RND1: variants seen among roughly 807,000 people sequenced by gnomAD.
RND1 encodes the protein rho-related GTP-binding protein Rho6.
Under a neutral mutation model 27.1 loss-of-function variants are expected in RND1, and 9 were observed. The ratio of observed to expected loss-of-function variants is 0.33; its 90% CI spans 0.20 to 0.58. RND1 has a LOEUF of 0.58. Ranked by LOEUF, RND1 falls within the 20% of genes least tolerant of loss-of-function variation. The probability of loss-of-function intolerance (pLI) is 0.86; values close to 1 mark genes in which losing one functional copy is unlikely to be tolerated. For synonymous variants in RND1, 108 were observed against 115.7 expected, an observed-to-expected ratio of 0.93 and a Z score of 0.43; for missense variants, 253 against 292.2, an observed-to-expected ratio of 0.87 and a Z score of 0.98.
Position 48,857,758 on chromosome 12 carries a change from A to C in RND1, c.*238T>G. 2.6e-6 allele frequency: 1 copy of C among 387,358 alleles called. No individual in the cohort carries two copies. Among genetic ancestry groups the C allele is most frequent in the Non-Finnish European group, 4.6e-6 (1 of 219,226 alleles). The allele number at this position is 387,358 out of a possible 1,614,324, so 24.0% of individuals were successfully genotyped here. On this transcript the variant is annotated 3_prime_UTR_variant, in exon 5 of 5. Coordinates refer to ENST00000309739, the MANE Select transcript of RND1 (RefSeq NM_014470.4). ...TCTGGAGCGGGGGGGGCACTGGGGT[A>C]GTCGCCCCCTCCAAAATCTAGTGCC... is the stretch of plus-strand genomic sequence containing the variant.
rs36016980 is a variant in RND1 at position 48,860,077 on chromosome 12, C to CT, written c.453+919dup. Among the ~76,000 whole-genome samples, 650 of 122,720 alleles carry CT rather than the reference C, an allele frequency of 5.3e-3. 4 individuals carry two copies. The highest frequency in any genetic ancestry group is 9.4e-3 in the African/African-American group (308 of 32,624). The allele number at this position is 122,720 out of a possible 152,430, so 80.5% of individuals were successfully genotyped here. A position where few individuals can be genotyped will look rare whatever the true frequency, so the allele number is the denominator to read the frequency against. The stretch of plus-strand genomic sequence containing the variant: ...ACAGGCATGAGCCACCACACCTGGC[C>CT]TTTTTTTTTTTTTTTTTTCCTTGAG... On this transcript the variant is annotated intron_variant, in intron 4 of 4. Coordinates refer to ENST00000309739, the MANE Select transcript of RND1 (RefSeq NM_014470.4).
intron 4 of RND1, 142 bp from the exon 5 acceptor site, chr12:48,858,383 T>C: frequency 1.3e-6 from 1 of 800,000 alleles, no homozygotes. Context: ...TATTCGATTA[T>C]CTTTTCTTTT....
chr12:48,865,743 G>T lies in RND1; in HGVS notation c.25C>A (p.Pro9Thr). The change falls in exon 1 of 5, where the codon CCA (proline) becomes ACA (threonine). Residue 9 changes from proline to threonine, a missense_variant. Physicochemically the swap from Pro to Thr is conservative, Grantham distance 38. Transcript: ENST00000309739. MKERRAPQ[P>T]VVARCKLVLV... ...ACGAGCTTACATCTGGCCACGACTGGCTGGGGGGCCCGTCTCTCCTTCATG... is the reference window on the plus strand; with the variant it reads ...ACGAGCTTACATCTGGCCACGACTGTCTGGGGGGCCCGTCTCTCCTTCATG... 1 of 1,607,112 alleles carries T rather than the reference G, an allele frequency of 6.2e-7. No individual in the cohort carries two copies. The highest frequency in any genetic ancestry group is 8.5e-7 in the Non-Finnish European group (1 of 1,174,726).
At chr12:48,863,797 C>G (rs1030345258) in intron 2 of RND1, among the ~76,000 whole-genome samples, 1 of 152,132 alleles carries the variant, frequency 6.6e-6, no homozygotes. Flanking sequence ...CAGGAAACAC[C>G]TAGTGATTTA....
Position 48,858,171 on chromosome 12 carries a change from CTCTTT to C in RND1, c.519_523del (p.Lys174HisfsTer17). On this transcript the variant is annotated frameshift_variant, in exon 5 of 5. Coordinates refer to ENST00000309739, the MANE Select transcript of RND1 (RefSeq NM_014470.4). LOFTEE classifies it high-confidence loss of function. Reference sequence around the variant, plus strand: ...TGCCGTCCGAAAGATGCTGTGGATGCTCTTTTCTGAGGTGAAAGCTGAGCCTTCCA... The same window carrying C: ...TGCCGTCCGAAAGATGCTGTGGATGCTCTGAGGTGAAAGCTGAGCCTTCCA... The C allele has an allele frequency of 6.2e-7, 1 of 1,614,118 alleles. No homozygotes were observed. The highest frequency in any genetic ancestry group is 8.5e-7 in the Non-Finnish European group (1 of 1,180,022).
chr12:48,860,788 C>T (rs1211719127), intron 4 of RND1, among the ~76,000 whole-genome samples: 2 of 152,056 alleles, frequency 1.3e-5, no homozygotes, highest in Non-Finnish European at 2.9e-5. Context: ...GAAATGTGGG[C>T]ACACACAGGA....
Position 48,858,074 on chromosome 12 carries a change from C to T in RND1, c.621G>A (p.Leu207=). 6 of 1,614,154 alleles carry T rather than the reference C, an allele frequency of 3.7e-6. No individual in the cohort carries two copies. The highest frequency in any genetic ancestry group is 5.1e-6 in the Non-Finnish European group (6 of 1,180,016). ...KSPVRSLSKR[L]LHLPSRSELI... ...GTTCAGAGCGACTGGGGAGGTGGAG[C>T]AGTCGTTTGGAGAGGCTTCGGACAG... The change falls in exon 5 of 5, where the codon CTG becomes CTA. Residue 207 remains leucine (L), a synonymous_variant. Transcript: ENST00000309739.
chr12:48,860,372 C>T (rs1413721478), intron 4 of RND1, among the ~76,000 whole-genome samples: 7 of 151,990 alleles, frequency 4.6e-5, no homozygotes, highest in African/African-American at 1.2e-4. Flanking sequence ...CGTGAGCCAC[C>T]GCACCCAGTG....
chr12:48,865,409 G>A (rs1318267002), intron 1 of RND1: 8 of 546,086 alleles, frequency 1.5e-5, no homozygotes, highest in Non-Finnish European at 2.3e-5. Context: ...GGATCTGATG[G>A]GTCCTCTGGG....
chr12:48,865,546 G>A (rs544927487), intron 1 of RND1, 102 bp downstream of exon 1: 1 of 1,351,310 alleles, frequency 7.4e-7, no homozygotes, highest in Non-Finnish European at 1.0e-6. Context: ...GGCTGAGGAT[G>A]GGCTGGGGCT....
chr12:48,864,416 T>TGTGTGTGTGTGTGTGCGCGCGC (rs141121524), intron 2 of RND1, among the ~76,000 whole-genome samples: 28 of 135,556 alleles, frequency 2.1e-4, no homozygotes, highest in African/African-American at 7.3e-4. Flanking sequence ...TGTGTGTGTG[T>TGTGTGTGTGTGTGTGCGCGCGC]GCGCGCGCGC....
At chr12:48,864,902 C>T (rs376695671) in intron 1 of RND1, 32 bp from the exon 2 acceptor site, 27 of 1,493,960 alleles carry the variant, frequency 1.8e-5, no homozygotes, top group Non-Finnish European at 2.5e-5. Context: ...TCACCCCATG[C>T]ACCCCTACCC....
chr12:48,865,720 G>A lies in RND1; in HGVS notation c.48C>T (p.Leu16=), dbSNP rs749843869. The A allele has an allele frequency of 1.2e-6, 2 of 1,613,766 alleles. No individual in the cohort carries two copies. Among genetic ancestry groups the A allele is most frequent in the East Asian group, 2.2e-5 (1 of 44,862 alleles). ...APQPVVARCK[L]VLVGDVQCGK... ...CACACTGCACGTCCCCGACCAGAAC[G>A]AGCTTACATCTGGCCACGACTGGCT... The change falls in exon 1 of 5, where the codon CTC becomes CTT. Residue 16 remains leucine (L), a synonymous_variant. Coordinates refer to ENST00000309739, the MANE Select transcript of RND1 (RefSeq NM_014470.4).
chr12:48,865,313 A>G, intron 1 of RND1: 1 of 404,898 alleles, frequency 2.5e-6, no homozygotes, highest in South Asian at 2.3e-5. Context: ...ATAGGCAGGG[A>G]TTACGTCAAG....
rs1471116750 is a variant in RND1 at position 48,865,667 on chromosome 12, G to A, written c.101C>T (p.Ala34Val). Residue 34 changes from alanine to valine, a missense_variant, in exon 1 of 5, where the codon GCG becomes GTG. By Grantham distance (64) the Ala-to-Val change is moderately conservative. Coordinates refer to ENST00000309739, the MANE Select transcript of RND1 (RefSeq NM_014470.4). ...CGKTAMLQVL[A>V]KDCYPETYVP... The stretch of plus-strand genomic sequence containing the variant: ...GCTCACCTCTGGATAGCAATCCTTC[G>A]CTAACACTTGCAACATCGCGGTCTT... 8 of 1,613,910 alleles carry A rather than the reference G, an allele frequency of 5.0e-6. No homozygotes were observed. The highest frequency in any genetic ancestry group is 6.8e-6 in the Non-Finnish European group (8 of 1,179,904).
At chr12:48,864,977 A>G (rs747245390) in intron 1 of RND1, 107 bp from the exon 2 acceptor site, 84 of 861,156 alleles carry the variant, frequency 9.8e-5, no homozygotes, top group Non-Finnish European at 1.5e-4. Flanking sequence ...GTCACAGGAG[A>G]CAAGAAACCA....
rs548395241 is a variant in RND1, at chr12:48,860,161, G to A, written c.453+836C>T. Among the ~76,000 whole-genome samples the A allele has an allele frequency of 3.4e-5, 5 of 147,840 alleles. No individual in the cohort carries two copies. In the South Asian group the frequency reaches 1.1e-3, roughly 32 times the overall value. ...TGCAGTGGCACAATCTCAGCTAACT[G>A]CAACCTCCATCTCCCAGGTTCAAGC... On this transcript the variant is annotated intron_variant, in intron 4 of 4. Transcript: ENST00000309739.
At position 48,858,385 on chromosome 12, in the gene RND1, TTTTC is replaced by T. The variant is rs199974332; in HGVS notation, c.454-148_454-145del. ...ACCCTCTGCAGATTATTCGATTATC[TTTTC>T]TTTTTTTTTTTTTTTTTTGGCATAC... is the stretch of plus-strand genomic sequence containing the variant. On this transcript the variant is annotated intron_variant, in intron 4 of 4. Coordinates refer to ENST00000309739, the MANE Select transcript of RND1 (RefSeq NM_014470.4). The T allele has an allele frequency of 5.0e-3, 4,314 of 861,154 alleles. 105 individuals are homozygous for T. In the African/African-American group the frequency reaches 0.069, roughly 14 times the overall value. The allele number at this position is 861,154 out of a possible 1,614,324, so 53.3% of individuals were successfully genotyped here.
At chr12:48,862,937 C>A (rs1938935093) in intron 2 of RND1, among the ~76,000 whole-genome samples, 1 of 151,900 alleles carries the variant, frequency 6.6e-6, no homozygotes, top group Admixed American at 6.6e-5. Context: ...CCCTGCACCA[C>A]AATCGCCATG....
Sources: allele counts gnomAD v4.1 joint callset (sites outside exome capture counted in the v4.1 genomes callset), GRCh38; gene constraint gnomAD v4.1.1; transcripts MANE v1.5; gene names NCBI Gene and HGNC (gene_info 2026-07-23, HGNC 2026-07-21).